SLC39A11: variants seen among roughly 807,000 people sequenced by gnomAD.
The protein encoded by SLC39A11 is solute carrier family 39 member 11, also known as zinc transporter ZIP11.
In SLC39A11, 33 loss-of-function variants were observed where a neutral mutation model predicts 36.1. That is an observed-to-expected ratio of 0.91 (90% CI 0.69 to 1.22). The LOEUF is 1.22. SLC39A11 is among the 50% of genes most tolerant of loss of function. The pLI is 0.00. For synonymous variants in SLC39A11, 166 were observed against 170.3 expected, an observed-to-expected ratio of 0.97 and a Z score of 0.20; for missense variants, 432 against 430.3, an observed-to-expected ratio of 1.00 and a Z score of -0.03.
intron 4 of SLC39A11, among the ~76,000 whole-genome samples, chr17:72,979,936 C>A (rs1291792647): frequency 6.6e-6 from 1 of 152,106 alleles, no homozygotes; most frequent in Non-Finnish European, 1.5e-5. Context: ...CCCATGACCT[C>A]CCCAAAATGG....
At chr17:72,824,214 C>T (rs1469261067) in intron 6 of SLC39A11, among the ~76,000 whole-genome samples, 1 of 150,918 alleles carries the variant, frequency 6.6e-6, no homozygotes, top group Non-Finnish European at 1.5e-5. Flanking sequence ...AATATGTTCT[C>T]ATGAAATCTC....
chr17:72,761,000 T>C (rs532075932), intron 6 of SLC39A11, among the ~76,000 whole-genome samples: 1 of 152,346 alleles, frequency 6.6e-6, no homozygotes, highest in South Asian at 2.1e-4. Flanking sequence ...TCTCATCACC[T>C]GTTCCCCAGG....
chr17:72,846,018 C>CTCTTTTTTTTTTTTT lies in SLC39A11; in HGVS notation c.601+3615_601+3616insAAAAAAAAAAAAAGA, dbSNP rs2079035587. 6.9e-5 allele frequency among the ~76,000 whole-genome samples: 4 copies of CTCTTTTTTTTTTTTT among 57,950 alleles called. 1 individual carries two copies. Among genetic ancestry groups the CTCTTTTTTTTTTTTT allele is most frequent in the African/African-American group, 2.6e-4 (3 of 11,700 alleles). The allele number at this position is 57,950 out of a possible 152,430, so 38.0% of individuals were successfully genotyped here. A position where few individuals can be genotyped will look rare whatever the true frequency, so the allele number is the denominator to read the frequency against. ...CCAATGAATCTCTCTCTCTCTCTCT[C>CTCTTTTTTTTTTTTT]TTTTTTTTTTTTTTTTTTTTTTTTT... On this transcript the variant is annotated intron_variant, in intron 6 of 9. Transcript: ENST00000255559.
intron 4 of SLC39A11, among the ~76,000 whole-genome samples, chr17:73,011,812 C>T (rs1002118497): frequency 9.9e-5 from 15 of 151,204 alleles, no homozygotes; most frequent in African/African-American, 3.6e-4. Context: ...CGGGCACCCA[C>T]CACCATGCCC....
intron 3 of SLC39A11, among the ~76,000 whole-genome samples, chr17:73,056,524 G>T (rs138382917): frequency 6.6e-6 from 1 of 152,110 alleles, no homozygotes; most frequent in Non-Finnish European, 1.5e-5. Context: ...TTGCATCCAG[G>T]ATTAGATTGT....
intron 6 of SLC39A11, among the ~76,000 whole-genome samples, chr17:72,767,331 TG>T (rs1379294931): frequency 6.6e-6 from 1 of 152,186 alleles, no homozygotes; most frequent in African/African-American, 2.4e-5. Context: ...TTCAGAGAAA[TG>T]GTCCCAGAAG....
chr17:73,004,589 A>G (rs1598811573), intron 4 of SLC39A11, among the ~76,000 whole-genome samples: 1 of 152,218 alleles, frequency 6.6e-6, no homozygotes, highest in African/African-American at 2.4e-5. Flanking sequence ...CCTGGCAATA[A>G]CCTAGGTATC....
intron 7 of SLC39A11, among the ~76,000 whole-genome samples, chr17:72,679,650 T>C (rs1369368390): frequency 1.3e-5 from 2 of 152,146 alleles, no homozygotes; most frequent in African/African-American, 2.4e-5. Flanking sequence ...TGTAGAGACA[T>C]GTTGCAGGAG....
intron 5 of SLC39A11, among the ~76,000 whole-genome samples, chr17:72,916,793 C>T (rs72850913): frequency 0.14 from 20,982 of 152,118 alleles, 1,871 homozygotes; most frequent in Non-Finnish European, 0.2. Context: ...CATCTCCCTC[C>T]GCACCTCAAT....
intron 5 of SLC39A11, 45 bp downstream of exon 5, chr17:72,947,707 C>T (rs959737419): frequency 1.9e-6 from 3 of 1,612,404 alleles, no homozygotes; most frequent in Non-Finnish European, 2.5e-6. Flanking sequence ...TGACTCAGCT[C>T]AGTGTCTGCA....
intron 7 of SLC39A11, 56 bp downstream of exon 7, chr17:72,736,594 C>T (rs2074439236): frequency 1.3e-6 from 2 of 1,490,730 alleles, no homozygotes; most frequent in South Asian, 1.1e-5. Flanking sequence ...GACACGCACA[C>T]CCAGAGCACC....
At chr17:72,928,780 T>C (rs2084209999) in intron 5 of SLC39A11, among the ~76,000 whole-genome samples, 1 of 152,188 alleles carries the variant, frequency 6.6e-6, no homozygotes, top group African/African-American at 2.4e-5. Flanking sequence ...GGGAAGTGCG[T>C]GCCTCTGGGA....
At chr17:73,050,807 G>A (rs2059471773) in intron 3 of SLC39A11, among the ~76,000 whole-genome samples, 1 of 152,108 alleles carries the variant, frequency 6.6e-6, no homozygotes, top group African/African-American at 2.4e-5. Context: ...TGGGGGAGGT[G>A]AAAGGGAAGG....
chr17:72,868,431 T>C lies in SLC39A11; in HGVS notation c.431-18627A>G, dbSNP rs181159731. ...GGCCATGCTAACTTAAGAACATAGATGCCAACTGCTAGAAATAAAAAGGAT... is the reference window on the plus strand; with the variant it reads ...GGCCATGCTAACTTAAGAACATAGACGCCAACTGCTAGAAATAAAAAGGAT... On this transcript the variant is annotated intron_variant, in intron 5 of 9. Coordinates refer to ENST00000255559, the MANE Select transcript of SLC39A11 (RefSeq NM_139177.4). Among the ~76,000 whole-genome samples the C allele has an allele frequency of 5.5e-4, 84 of 152,120 alleles. 5 individuals are homozygous for C. The East Asian group carries it at 8.7e-3, about 16-fold the overall frequency.
At chr17:73,029,117 CA>C (rs773601254) in intron 4 of SLC39A11, among the ~76,000 whole-genome samples, 2,069 of 39,516 alleles carry the variant, frequency 0.052, 52 homozygotes, top group Non-Finnish European at 0.15. Flanking sequence ...GACGCCGTCA[CA>C]CACACACAAA....
intron 5 of SLC39A11, among the ~76,000 whole-genome samples, chr17:72,905,286 AT>A (rs770593669): frequency 0.037 from 4,543 of 122,498 alleles, 210 homozygotes; most frequent in African/African-American, 0.12. Flanking sequence ...TCTGTTTCCT[AT>A]TTTTTTTTTT....
intron 4 of SLC39A11, among the ~76,000 whole-genome samples, chr17:73,010,686 T>A (rs1462354989): frequency 6.6e-6 from 1 of 152,196 alleles, no homozygotes; most frequent in Non-Finnish European, 1.5e-5. Context: ...TCTAGCTTCT[T>A]AGGCAAACAT....
intron 6 of SLC39A11, among the ~76,000 whole-genome samples, chr17:72,783,785 G>A (rs545944169): frequency 9.8e-5 from 15 of 152,290 alleles, no homozygotes; most frequent in East Asian, 5.8e-4. Context: ...GTTAACAGGC[G>A]CCCACGTCAC....
intron 6 of SLC39A11, among the ~76,000 whole-genome samples, chr17:72,844,337 T>C (rs763519631): frequency 6.6e-6 from 1 of 152,136 alleles, no homozygotes; most frequent in Non-Finnish European, 1.5e-5. Flanking sequence ...GTTAGACCCT[T>C]GGTGGCTTCA....
Sources: allele counts gnomAD v4.1 joint callset (sites outside exome capture counted in the v4.1 genomes callset), GRCh38; gene constraint gnomAD v4.1.1; transcripts MANE v1.5; gene names NCBI Gene and HGNC (gene_info 2026-07-23, HGNC 2026-07-21).